CCSER1: variants seen among roughly 807,000 people sequenced by gnomAD.
CCSER1 encodes serine-rich coiled-coil domain-containing protein 1.
In CCSER1, 41 loss-of-function variants were observed where a neutral mutation model predicts 82.0. That is an observed-to-expected ratio of 0.50 (90% CI 0.39 to 0.65). The LOEUF is 0.65. Ranked by LOEUF, CCSER1 falls within the 30% of genes least tolerant of loss-of-function variation. The probability of loss-of-function intolerance (pLI) is 0.00; values close to 1 mark genes in which losing one functional copy is unlikely to be tolerated. For synonymous variants in CCSER1, 414 were observed against 383.9 expected (o/e 1.08, Z -0.92); for missense variants, 1,119 against 1,064.2 (o/e 1.05, Z -0.72).
At chr4:91,488,575 G>A (rs977133105) in intron 10 of CCSER1, among the ~76,000 whole-genome samples, 3 of 152,140 alleles carry the variant, frequency 2.0e-5, no homozygotes, top group Non-Finnish European at 4.4e-5. Flanking sequence ...TAGTGAGTGA[G>A]TTAGCACGAG....
chr4:91,043,294 C>G (rs1379176326), intron 9 of CCSER1, among the ~76,000 whole-genome samples: 1 of 151,350 alleles, frequency 6.6e-6, no homozygotes, highest in African/African-American at 2.4e-5. Context: ...AATAAAACTC[C>G]CCAAATTATT....
chr4:90,348,605 G>A (rs1208381098), intron 3 of CCSER1, among the ~76,000 whole-genome samples: 1 of 151,842 alleles, frequency 6.6e-6, no homozygotes, highest in Non-Finnish European at 1.5e-5. Flanking sequence ...AAATTACTCA[G>A]TATATTAAGA....
chr4:90,505,363 C>A (rs144481875), intron 5 of CCSER1, among the ~76,000 whole-genome samples: 227 of 151,488 alleles, frequency 1.5e-3, no homozygotes, highest in African/African-American at 5.4e-3. Flanking sequence ...TAGGGAAAGA[C>A]AGAGGAACCA....
At chr4:90,371,345 A>C (rs1053230524) in intron 3 of CCSER1, among the ~76,000 whole-genome samples, 1 of 152,140 alleles carries the variant, frequency 6.6e-6, no homozygotes, top group Non-Finnish European at 1.5e-5. Context: ...TATATTTTAT[A>C]ATTACACTAG....
chr4:90,506,074 C>CA (rs764190452), intron 5 of CCSER1, among the ~76,000 whole-genome samples: 87 of 152,278 alleles, frequency 5.7e-4, no homozygotes, highest in African/African-American at 2.0e-3. Flanking sequence ...ACCCTCTGTA[C>CA]CTTCCTCAGA....
At chr4:90,702,185 G>C (rs566937660) in intron 6 of CCSER1, among the ~76,000 whole-genome samples, 27 of 152,138 alleles carry the variant, frequency 1.8e-4, no homozygotes, top group South Asian at 6.2e-4. Flanking sequence ...TAGCATGAAG[G>C]GCTGTTGAAT....
rs971763426 is a variant in CCSER1, at chr4:91,599,989, A to T, written c.*932A>T. The T allele has an allele frequency of 1.3e-5, 2 of 152,068 alleles. No individual in the cohort carries two copies. Among genetic ancestry groups the T allele is most frequent in the African/African-American group, 4.8e-5 (2 of 41,426 alleles). 9.4% of individuals were successfully genotyped at this position (152,068 alleles called of 1,614,324 possible). A position where few individuals can be genotyped will look rare whatever the true frequency, so the allele number is the denominator to read the frequency against. ...AAATGTTCTTTTTTATGTAAATCCAATTTTGGTTTATATACATCAACCCAT... is the reference window on the plus strand; with the variant it reads ...AAATGTTCTTTTTTATGTAAATCCATTTTTGGTTTATATACATCAACCCAT... On this transcript the variant is annotated 3_prime_UTR_variant, in exon 11 of 11. Transcript: ENST00000509176.
At chr4:91,044,338 T>C (rs1393824027) in intron 9 of CCSER1, among the ~76,000 whole-genome samples, 1 of 152,240 alleles carries the variant, frequency 6.6e-6, no homozygotes, top group Non-Finnish European at 1.5e-5. Flanking sequence ...TTGAATAGCA[T>C]AGTAGTCATG....
At chr4:90,671,205 A>G (rs1309204705) in intron 6 of CCSER1, among the ~76,000 whole-genome samples, 1 of 151,980 alleles carries the variant, frequency 6.6e-6, no homozygotes, top group Non-Finnish European at 1.5e-5. Context: ...GGCTGTGACA[A>G]TTTCTTAAAA....
At chr4:91,341,829 A>C (rs1338730195) in intron 10 of CCSER1, among the ~76,000 whole-genome samples, 1 of 152,218 alleles carries the variant, frequency 6.6e-6, no homozygotes, top group African/African-American at 2.4e-5. Flanking sequence ...GAACCACCGC[A>C]CTTGGCCTAG....
intron 9 of CCSER1, among the ~76,000 whole-genome samples, chr4:91,012,696 A>G (rs2150505561): frequency 7.1e-6 from 1 of 140,076 alleles, no homozygotes; most frequent in South Asian, 2.3e-4. Context: ...CTCCAACAGT[A>G]CTTCCAACTC....
chr4:91,380,861 T>C (rs149201690), intron 10 of CCSER1, among the ~76,000 whole-genome samples: 16,402 of 152,216 alleles, frequency 0.11, 1,058 homozygotes, highest in Middle Eastern at 0.18. Context: ...TTACAATTTG[T>C]CATGTTTTTG....
At chr4:90,701,630 T>A (rs1738148180) in intron 6 of CCSER1, among the ~76,000 whole-genome samples, 1 of 152,358 alleles carries the variant, frequency 6.6e-6, no homozygotes, top group East Asian at 1.9e-4. Context: ...TGGAATGTTC[T>A]TCCGTTTGTT....
intron 1 of CCSER1, among the ~76,000 whole-genome samples, chr4:90,186,521 G>A (rs1195808485): frequency 6.6e-6 from 1 of 151,990 alleles, no homozygotes; most frequent in Non-Finnish European, 1.5e-5. Context: ...AACCATAAAT[G>A]AGTAAACTGC....
chr4:91,289,507 G>C (rs1404990731), intron 10 of CCSER1, among the ~76,000 whole-genome samples: 1 of 152,010 alleles, frequency 6.6e-6, no homozygotes, highest in Non-Finnish European at 1.5e-5. Context: ...TACTGAGTTA[G>C]AGCTGTAAGA....
At chr4:90,417,839 T>C (rs1460096781) in intron 4 of CCSER1, among the ~76,000 whole-genome samples, 1 of 152,182 alleles carries the variant, frequency 6.6e-6, no homozygotes. Context: ...CTAGTGGTTT[T>C]CCTAATACGA....
chr4:90,308,104 A>G (rs530477609), intron 1 of CCSER1, 140 bp from the exon 2 acceptor site: 2 of 556,142 alleles, frequency 3.6e-6, no homozygotes, highest in African/African-American at 3.9e-5. Flanking sequence ...AATCTTTATT[A>G]GGTATCAGAT....
At chr4:91,048,287 C>T (rs531768641) in intron 9 of CCSER1, among the ~76,000 whole-genome samples, 129 of 151,970 alleles carry the variant, frequency 8.5e-4, no homozygotes, top group Non-Finnish European at 1.4e-3. Flanking sequence ...TATATTTACA[C>T]ATAAATAAAA....
In CCSER1 at chr4:91,262,090, A is replaced by G. The variant is rs184753734; in HGVS notation, c.2217+176096A>G. On this transcript the variant is annotated intron_variant, in intron 10 of 10. Transcript: ENST00000509176. The stretch of plus-strand genomic sequence containing the variant: ...GTAAAAATTGTAATAAATAATATAT[A>G]AAAAGTACTTATAAGTTATAAAAAA... Among the ~76,000 whole-genome samples the G allele has an allele frequency of 4.6e-5, 7 of 152,270 alleles. No individual in the cohort carries two copies. In the East Asian group the frequency reaches 1.3e-3, roughly 29 times the overall value.
Sources: allele counts gnomAD v4.1 joint callset (sites outside exome capture counted in the v4.1 genomes callset), GRCh38; gene constraint gnomAD v4.1.1; transcripts MANE v1.5; gene names NCBI Gene and HGNC (gene_info 2026-07-23, HGNC 2026-07-21).